The following NRG1 variants were observed in gnomAD, a reference collection of about 807,000 sequenced individuals.
NRG1 encodes the protein neuregulin 1, also known as pro-neuregulin-1, membrane-bound isoform.
In NRG1, 18 loss-of-function variants were observed where a neutral mutation model predicts 63.8. The observed-to-expected ratio is 0.28, with a 90% confidence interval of 0.19 to 0.42. NRG1 has a LOEUF of 0.42. NRG1 is among the 10% of genes least tolerant of loss of function. NRG1 has a pLI of 1.00. For missense variants in NRG1, 762 were observed against 814.7 expected (o/e 0.94, Z 0.79); for synonymous variants, 302 against 301.3 (o/e 1.00, Z -0.02).
intron 1 of NRG1, among the ~76,000 whole-genome samples, chr8:31,833,901 C>G (rs966738308): frequency 6.6e-6 from 1 of 152,050 alleles, no homozygotes; most frequent in African/African-American, 2.4e-5. Context: ...ACGAGTTTCC[C>G]AACAGTGGGA....
At position 32,304,653 on chromosome 8, in the gene NRG1, T is replaced by G. The variant is rs146974282; in HGVS notation, c.38-291175T>G. 2.8e-3 allele frequency among the ~76,000 whole-genome samples: 433 copies of G among 152,244 alleles called. 11 individuals are homozygous for G. The highest frequency in any genetic ancestry group is 0.021 in the Admixed American group (316 of 15,284). On this transcript the variant is annotated intron_variant, in intron 1 of 10. Coordinates refer to the NRG1 transcript ENST00000519301. ...AATATAAATAATTGAATTGAAAATA[T>G]TTTCTGTTTAGCACAAGCTCTGAGC...
chr8:31,792,658 T>C (rs1393015533), intron 1 of NRG1, among the ~76,000 whole-genome samples: 2 of 152,250 alleles, frequency 1.3e-5, no homozygotes, highest in African/African-American at 2.4e-5. Context: ...TCTTTAAGTC[T>C]GTACTGGACA....
chr8:32,364,966 T>TTTTTTTTTC, intron 1 of NRG1, among the ~76,000 whole-genome samples: 1 of 144,768 alleles, frequency 6.9e-6, no homozygotes, highest in Non-Finnish European at 1.5e-5. Flanking sequence ...ACTTTTTTTT[T>TTTTTTTTTC]TTTTTTTTTT....
chr8:32,128,848 T>C (rs1834437635), intron 1 of NRG1, among the ~76,000 whole-genome samples: 1 of 151,992 alleles, frequency 6.6e-6, no homozygotes, highest in Non-Finnish European at 1.5e-5. Flanking sequence ...TTTCTTCTGA[T>C]AGGATAAAAG....
chr8:32,652,461 G>A (rs1377565043), intron 5 of NRG1, among the ~76,000 whole-genome samples: 1 of 151,566 alleles, frequency 6.6e-6, no homozygotes, highest in Non-Finnish European at 1.5e-5. Context: ...CTATTCTTTT[G>A]TGATACCCAA....
chr8:32,581,867 A>G (rs1588468682), intron 1 of NRG1, among the ~76,000 whole-genome samples: 1 of 152,136 alleles, frequency 6.6e-6, no homozygotes, highest in Non-Finnish European at 1.5e-5. Flanking sequence ...GTACAATACT[A>G]TTAGCTAAAC....
At chr8:31,880,765 C>A (rs896595679) in intron 1 of NRG1, among the ~76,000 whole-genome samples, 1 of 152,164 alleles carries the variant, frequency 6.6e-6, no homozygotes, top group African/African-American at 2.4e-5. Flanking sequence ...CTCAGCATTT[C>A]CTGTTCATTG....
intron 1 of NRG1, among the ~76,000 whole-genome samples, chr8:32,214,642 A>G (rs199673306): frequency 6.8e-5 from 9 of 131,650 alleles, no homozygotes; most frequent in Middle Eastern, 3.8e-3. Flanking sequence ...GACACTGTCA[A>G]TCAAGAAAGA....
chr8:32,170,291 G>A (rs375164445), intron 1 of NRG1, among the ~76,000 whole-genome samples: 4 of 152,184 alleles, frequency 2.6e-5, no homozygotes, highest in Non-Finnish European at 4.4e-5. Flanking sequence ...TTTAGAGGTG[G>A]AGTAAAAGAT....
In NRG1 at chr8:31,956,070, C is replaced by A. The variant is rs1044677010; in HGVS notation, c.37+316639C>A. ...AAAAAAAAACAAAAAAACAAAAAAA[C>A]AAAAAACAAACCTTGGAAAAGTCTA... On this transcript the variant is annotated intron_variant, in intron 1 of 10. Coordinates refer to the NRG1 transcript ENST00000519301. Among the ~76,000 whole-genome samples, 106 of 144,918 alleles carry A rather than the reference C, an allele frequency of 7.3e-4. 1 individual carries two copies. Among genetic ancestry groups the A allele is most frequent in the South Asian group, 3.4e-3 (16 of 4,638 alleles).
intron 1 of NRG1, among the ~76,000 whole-genome samples, chr8:31,643,765 A>G (rs964844375): frequency 3.3e-5 from 5 of 152,220 alleles, no homozygotes; most frequent in African/African-American, 1.2e-4. Flanking sequence ...TCTATTATTC[A>G]AACAAGTCAT....
intron 1 of NRG1, among the ~76,000 whole-genome samples, chr8:32,198,065 G>A (rs1462534716): frequency 6.6e-6 from 1 of 152,240 alleles, no homozygotes; most frequent in Admixed American, 6.5e-5. Context: ...TTTGGGCAAT[G>A]TTTTGGCTAG....
At chr8:32,412,113 G>A (rs1815051298) in intron 1 of NRG1, among the ~76,000 whole-genome samples, 1 of 152,072 alleles carries the variant, frequency 6.6e-6, no homozygotes, top group Non-Finnish European at 1.5e-5. Flanking sequence ...AGAACAAAAA[G>A]GCTGAGTAAG....
intron 1 of NRG1, among the ~76,000 whole-genome samples, chr8:32,443,246 T>C (rs1008170509): frequency 1.3e-5 from 2 of 152,138 alleles, no homozygotes; most frequent in African/African-American, 4.8e-5. Context: ...CCAGCCTGGG[T>C]GTCTGTCTTT....
chr8:32,562,117 C>T (rs1836524067), intron 1 of NRG1, among the ~76,000 whole-genome samples: 1 of 152,044 alleles, frequency 6.6e-6, no homozygotes, highest in Non-Finnish European at 1.5e-5. Context: ...GTAGAGACTC[C>T]TAAAGTCTGC....
intron 1 of NRG1, among the ~76,000 whole-genome samples, chr8:32,155,816 T>G (rs1480150120): frequency 6.6e-6 from 1 of 152,232 alleles, no homozygotes; most frequent in African/African-American, 2.4e-5. Flanking sequence ...GAAACTTTCT[T>G]ACTGCCTTTT....
intron 1 of NRG1, among the ~76,000 whole-genome samples, chr8:31,936,763 T>C (rs899385455): frequency 6.6e-6 from 1 of 152,210 alleles, no homozygotes; most frequent in South Asian, 2.1e-4. Context: ...AGATACTCTA[T>C]TATCCCTTCA....
intron 1 of NRG1, among the ~76,000 whole-genome samples, chr8:32,206,415 A>G (rs1411908696): frequency 6.6e-6 from 1 of 152,214 alleles, no homozygotes; most frequent in African/African-American, 2.4e-5. Context: ...AGAAGGGAAA[A>G]ACAGAGATTA....
chr8:32,260,663 C>T (rs1244888159), intron 1 of NRG1, among the ~76,000 whole-genome samples: 1 of 152,198 alleles, frequency 6.6e-6, no homozygotes. Context: ...GGGCCCTGCC[C>T]CATGCCTTCT....
Sources: gnomAD v4.1 joint callset for allele counts (sites outside exome capture counted in the v4.1 genomes callset) on GRCh38, gnomAD v4.1.1 for gene constraint, MANE v1.5 for transcripts, NCBI Gene and HGNC (gene_info 2026-07-23, HGNC 2026-07-21) for gene names.